The following HCFC2 variants were observed in gnomAD, a reference collection of about 807,000 sequenced individuals.
The protein encoded by HCFC2 is host cell factor 2.
In HCFC2, 18 loss-of-function variants were observed where a neutral mutation model predicts 89.2. The ratio of observed to expected loss-of-function variants is 0.20; its 90% CI spans 0.14 to 0.30. The LOEUF (loss-of-function observed/expected upper bound fraction) is 0.30. HCFC2 is among the 10% of genes least tolerant of loss of function. HCFC2 has a pLI of 1.00. For synonymous variants in HCFC2, 308 were observed against 335.7 expected, an observed-to-expected ratio of 0.92 and a Z score of 0.90; for missense variants, 578 against 956.1, an observed-to-expected ratio of 0.60 and a Z score of 5.21.
At chr12:104,082,982 G>A in intron 7 of HCFC2, 81 bp downstream of exon 7, 2 of 937,470 alleles carry the variant, frequency 2.1e-6, no homozygotes, top group Non-Finnish European at 3.3e-6. Flanking sequence ...TACTGTAAAT[G>A]CTACTACCTC....
At chr12:104,090,737 C>CT (rs1240043726) in intron 9 of HCFC2, among the ~76,000 whole-genome samples, 2 of 151,594 alleles carry the variant, frequency 1.3e-5, no homozygotes, top group Non-Finnish European at 2.9e-5. Context: ...TGTTATGTTT[C>CT]TTTTTTTCAA....
intron 9 of HCFC2, among the ~76,000 whole-genome samples, chr12:104,090,631 G>A (rs982363106): frequency 2.0e-5 from 3 of 151,246 alleles, no homozygotes; most frequent in Non-Finnish European, 4.4e-5. Flanking sequence ...CTTTATTTCT[G>A]TTAATAGCAC....
chr12:104,102,950 C>A lies in HCFC2; in HGVS notation c.2065-9C>A, dbSNP rs199852582. ...AACCTTTAACCTGTTTTTTCCCCCC[C>A]CCTTCAAGAATGTTGAAGGTATCCA... is the stretch of plus-strand genomic sequence containing the variant. On this transcript the variant is annotated splice_polypyrimidine_tract_variant and intron_variant, in intron 14 of 14. Coordinates refer to ENST00000229330, the MANE Select transcript of HCFC2 (RefSeq NM_013320.3). 881 of 1,590,776 alleles carry A rather than the reference C, an allele frequency of 5.5e-4. No homozygotes were observed. The highest frequency in any genetic ancestry group is 6.8e-4 in the Non-Finnish European group (795 of 1,164,958).
chr12:104,086,907 T>C lies in HCFC2; in HGVS notation c.1124T>C (p.Val375Ala), dbSNP rs1883868359. ...AAAGCCACTACCAACTCCTTTCATG[T>C]CAAGTGGGATGAAGTGTCTACAGTT... is the stretch of plus-strand genomic sequence containing the variant. Reference protein sequence around the residue: ...LIKATTNSFHVKWDEVSTVEG... With the variant: ...LIKATTNSFHAKWDEVSTVEG... Residue 375 changes from valine (V) to alanine (A), a missense_variant, in exon 8 of 15, where the codon GTC becomes GCC. Val to Ala is a moderately conservative substitution (Grantham distance 64, BLOSUM62 0). This residue lies in a region of HCFC2 where 210 missense variants were observed against 251.7 expected (regional missense o/e 0.83). Coordinates refer to ENST00000229330, the MANE Select transcript of HCFC2 (RefSeq NM_013320.3). 1.2e-6 allele frequency: 2 copies of C among 1,613,798 alleles called. No homozygotes were observed. Among genetic ancestry groups the C allele is most frequent in the African/African-American group, 2.7e-5 (2 of 74,890 alleles).
intron 3 of HCFC2, among the ~76,000 whole-genome samples, chr12:104,070,010 C>G (rs1383884547): frequency 6.6e-6 from 1 of 152,108 alleles, no homozygotes; most frequent in East Asian, 1.9e-4. Context: ...TCATCCATGT[C>G]CCTGCAAAGG....
At chr12:104,100,549 G>A (rs897438981) in intron 13 of HCFC2, among the ~76,000 whole-genome samples, 10 of 152,038 alleles carry the variant, frequency 6.6e-5, no homozygotes, top group African/African-American at 2.2e-4. Flanking sequence ...ACTCCAGCCT[G>A]GATGACAGAG....
intron 3 of HCFC2, among the ~76,000 whole-genome samples, chr12:104,078,417 A>C (rs549528746): frequency 1.3e-5 from 2 of 152,174 alleles, no homozygotes; most frequent in Non-Finnish European, 2.9e-5. Context: ...AAATGTTACA[A>C]TTTTTGCCCT....
chr12:104,086,436 T>C (rs1366999388), intron 7 of HCFC2, among the ~76,000 whole-genome samples: 1 of 151,968 alleles, frequency 6.6e-6, no homozygotes, highest in African/African-American at 2.4e-5. Flanking sequence ...AAAGATAAAA[T>C]AATGTAGCTT....
Position 104,106,201 on chromosome 12 carries a change from G to T in HCFC2, c.*2928G>T, listed in dbSNP as rs2030081364. ...TTATCTATAGGAAGGTGAAATTGTT[G>T]ATCTATTATTTCAAAGACTTGTAGA... On this transcript the variant is annotated 3_prime_UTR_variant, in exon 15 of 15. Coordinates refer to ENST00000229330, the MANE Select transcript of HCFC2 (RefSeq NM_013320.3). 6.6e-6 allele frequency: 1 copy of T among 152,014 alleles called. No individual in the cohort carries two copies. Among genetic ancestry groups the T allele is most frequent in the African/African-American group, 2.4e-5 (1 of 41,396 alleles). The allele number at this position is 152,014 out of a possible 1,614,324, so 9.4% of individuals were successfully genotyped here. A position where few individuals can be genotyped will look rare whatever the true frequency, so the allele number is the denominator to read the frequency against.
chr12:104,088,176 C>T (rs1883922154), intron 9 of HCFC2, 138 bp downstream of exon 9: 2 of 378,542 alleles, frequency 5.3e-6, no homozygotes, highest in Non-Finnish European at 9.7e-6. Context: ...CTGAGGTAAA[C>T]AAACAAACAA....
chr12:104,088,005 C>A lies in HCFC2; in HGVS notation c.1251C>A (p.His417Gln). ...CTTCAGGAGTCAGGATGGACCCTCA[C>A]AGACAAGGCAGTAATAACATCGTTC... ...PNMQGVRMDPHRQGSNNIVPN... is the reference protein window; with the variant it reads ...PNMQGVRMDPQRQGSNNIVPN... The change falls in exon 9 of 15, where the codon CAC becomes CAA. Residue 417 changes from histidine to glutamine, a missense_variant. Physicochemically the swap from His to Gln is conservative, Grantham distance 24 (BLOSUM62 0). Coordinates refer to ENST00000229330, the MANE Select transcript of HCFC2 (RefSeq NM_013320.3). The A allele has an allele frequency of 1.2e-6, 2 of 1,608,054 alleles. No homozygotes were observed. The highest frequency in any genetic ancestry group is 1.7e-6 in the Non-Finnish European group (2 of 1,176,488).
In HCFC2 at chr12:104,098,461, G is replaced by A; in HGVS notation, c.1859G>A (p.Gly620Glu). The stretch of plus-strand genomic sequence containing the variant: ...AGCCAGTTTTATTTGCTGCCAAAAG[G>A]GAAGCAAAGCATCTCAAAGGTAGCT... Reference protein sequence around the residue: ...LVSQFYLLPKGKQSISKVGNA... With the variant: ...LVSQFYLLPKEKQSISKVGNA... The change falls in exon 13 of 15, where the codon GGG (glycine) becomes GAG (glutamate). Residue 620 changes from glycine to glutamate, a missense_variant. Around this residue, in one of 4 missense-constraint regions of HCFC2, gnomAD observed 140 missense variants for 266.4 expected, o/e 0.53. Coordinates refer to ENST00000229330, the MANE Select transcript of HCFC2 (RefSeq NM_013320.3). The A allele has an allele frequency of 6.2e-7, 1 of 1,603,986 alleles. No homozygotes were observed. Among genetic ancestry groups the A allele is most frequent in the Non-Finnish European group, 8.5e-7 (1 of 1,176,020 alleles).
rs1883016306 is a variant in HCFC2, at chr12:104,064,867, G to T, written c.163+144G>T. On this transcript the variant is annotated intron_variant, in intron 1 of 14. Transcript: ENST00000229330. This position sits in a 1 kb window ranked among gnomAD's most constrained non-coding sequence, Gnocchi z 7.3. ...GCGGCGGGGAGCGCGGCTCAGCCGG[G>T]CAGCCCGGGTCCGGCAGCTCTGTCC... is the stretch of plus-strand genomic sequence containing the variant. The T allele has an allele frequency of 1.0e-5, 7 of 680,296 alleles. No individual in the cohort carries two copies. The highest frequency in any genetic ancestry group is 1.3e-5 in the Non-Finnish European group (6 of 454,800). 42.1% of individuals were successfully genotyped at this position (680,296 alleles called of 1,614,324 possible).
At chr12:104,084,229 G>A (rs1031960718) in intron 7 of HCFC2, among the ~76,000 whole-genome samples, 2 of 152,188 alleles carry the variant, frequency 1.3e-5, no homozygotes, top group East Asian at 3.8e-4. Context: ...GAGATAATGA[G>A]CAATAGTGAA....
intron 10 of HCFC2, 128 bp downstream of exon 10, chr12:104,093,691 C>T: frequency 1.4e-6 from 1 of 712,158 alleles, no homozygotes; most frequent in Non-Finnish European, 2.3e-6. Context: ...CATATTCAAC[C>T]TGGTTAGAAT....
chr12:104,069,900 C>T (rs914712897), intron 3 of HCFC2, among the ~76,000 whole-genome samples: 1 of 152,112 alleles, frequency 6.6e-6, no homozygotes, highest in African/African-American at 2.4e-5. Flanking sequence ...TTCCCTCTGT[C>T]CATGTTTTCT....
chr12:104,102,944 C>CG lies in HCFC2; in HGVS notation c.2065-15_2065-14insG. On this transcript the variant is annotated splice_polypyrimidine_tract_variant and intron_variant, in intron 14 of 14. Coordinates refer to ENST00000229330, the MANE Select transcript of HCFC2 (RefSeq NM_013320.3). Reference sequence around the variant, plus strand: ...CTTAAGAACCTTTAACCTGTTTTTTCCCCCCCCCTTCAAGAATGTTGAAGG... The same window carrying CG: ...CTTAAGAACCTTTAACCTGTTTTTTCGCCCCCCCCTTCAAGAATGTTGAAGG... The CG allele has an allele frequency of 6.9e-7, 1 of 1,450,542 alleles. No homozygotes were observed. Among genetic ancestry groups the CG allele is most frequent in the Non-Finnish European group, 9.4e-7 (1 of 1,066,930 alleles). The allele number at this position is 1,450,542 out of a possible 1,614,324, so 89.9% of individuals were successfully genotyped here. A position where few individuals can be genotyped will look rare whatever the true frequency, so the allele number is the denominator to read the frequency against.
chr12:104,078,175 T>C (rs1166882137), intron 3 of HCFC2, among the ~76,000 whole-genome samples: 1 of 152,114 alleles, frequency 6.6e-6, no homozygotes, highest in African/African-American at 2.4e-5. Context: ...ATTTTTTGTA[T>C]TTTTGTTAGT....
At chr12:104,066,852 A>G (rs1883164794) in intron 2 of HCFC2, among the ~76,000 whole-genome samples, 1 of 152,176 alleles carries the variant, frequency 6.6e-6, no homozygotes, top group Non-Finnish European at 1.5e-5. Flanking sequence ...CAGCCGCGCA[A>G]TCTCGGCTCA....
Sources: gnomAD v4.1 joint callset for allele counts (sites outside exome capture counted in the v4.1 genomes callset) on GRCh38, gnomAD v4.1.1 for gene constraint, gnomAD v4.1.1 regional missense constraint, Gnocchi (gnomAD v3.1) non-coding constraint, MANE v1.5 for transcripts, NCBI Gene and HGNC (gene_info 2026-07-23, HGNC 2026-07-21) for gene names.